The following EXPH5 variants were observed in gnomAD, a reference collection of about 807,000 sequenced individuals.
EXPH5 encodes exophilin 5.
In EXPH5, 42 loss-of-function variants were observed where a neutral mutation model predicts 41.1. That is an observed-to-expected ratio of 1.02 (90% CI 0.80 to 1.32). EXPH5 has a LOEUF of 1.32. Ranked by LOEUF, EXPH5 falls within the 40% of genes most tolerant of loss-of-function variation. The pLI, the probability that EXPH5 is intolerant of heterozygous loss-of-function variation, is 0.00. For synonymous variants in EXPH5, 798 were observed against 833.5 expected (o/e 0.96, Z 0.73); for missense variants, 2,298 against 2,314.5 (o/e 0.99, Z 0.15).
chr11:108,538,860 A>G (rs2093895840), intron 3 of EXPH5, among the ~76,000 whole-genome samples, 164 bp downstream of exon 3: 1 of 152,222 alleles, frequency 6.6e-6, no homozygotes, highest in South Asian at 2.1e-4. Context: ...ATGGTTTCCT[A>G]AGAACTTTGT....
intron 3 of EXPH5, 44 bp downstream of exon 3, chr11:108,538,980 A>G (rs1555193838): frequency 6.8e-7 from 1 of 1,480,668 alleles, no homozygotes; most frequent in South Asian, 1.4e-5. Context: ...GGCCTCTGAT[A>G]TCGGATAACA....
At chr11:108,538,980 AT>A (rs773645743) in intron 3 of EXPH5, 43 bp downstream of exon 3, 2 of 1,480,668 alleles carry the variant, frequency 1.4e-6, no homozygotes, top group Non-Finnish European at 1.8e-6. Flanking sequence ...GGCCTCTGAT[AT>A]CGGATAACAA....
intron 1 of EXPH5, among the ~76,000 whole-genome samples, chr11:108,558,785 T>G (rs2136074113): frequency 6.6e-6 from 1 of 152,316 alleles, no homozygotes; most frequent in South Asian, 2.1e-4. Context: ...CATATATTGT[T>G]TCTGGAGGCG....
At position 108,559,130 on chromosome 11, in the gene EXPH5, T is replaced by C. The variant is rs193164399; in HGVS notation, c.120-17318A>G. Among the ~76,000 whole-genome samples the C allele has an allele frequency of 1.1e-3, 167 of 152,326 alleles. 1 individual carries two copies. Among genetic ancestry groups the C allele is most frequent in the African/African-American group, 3.9e-3 (164 of 41,574 alleles). On this transcript the variant is annotated intron_variant, in intron 1 of 5. Coordinates refer to ENST00000265843, the MANE Select transcript of EXPH5 (RefSeq NM_015065.3). ...AACCTCCTCTCTTGAGTCTCTGTACTTTTTTTGCATGCTGGTTGTCTCATC... is the reference window on the plus strand; with the variant it reads ...AACCTCCTCTCTTGAGTCTCTGTACCTTTTTTGCATGCTGGTTGTCTCATC...
chr11:108,522,562 T>A (rs1362005897), intron 4 of EXPH5, among the ~76,000 whole-genome samples: 3 of 152,208 alleles, frequency 2.0e-5, no homozygotes, highest in Admixed American at 1.3e-4. Context: ...ATTCTACTCA[T>A]GATCAAGTTT....
the EXPH5 span, among the ~76,000 whole-genome samples, chr11:108,599,417 A>G: frequency 6.6e-6 from 1 of 152,240 alleles, no homozygotes; most frequent in Non-Finnish European, 1.5e-5. Context: ...ATACATATAT[A>G]CAAATGCATA....
At chr11:108,597,505 T>C (rs1357966317), upstream of EXPH5, among the ~76,000 whole-genome samples, 1 of 152,254 alleles carries the variant, frequency 6.6e-6, no homozygotes, top group Admixed American at 6.5e-5. Context: ...AAAAGTTCTC[T>C]GATAAAATTC....
At chr11:108,555,997 A>G (rs963997161) in intron 1 of EXPH5, among the ~76,000 whole-genome samples, 1 of 152,190 alleles carries the variant, frequency 6.6e-6, no homozygotes, top group Non-Finnish European at 1.5e-5. Flanking sequence ...TCCAGGCTCC[A>G]TACAGGAGCA....
At chr11:108,540,323 A>AAAAT (rs1239024966) in intron 2 of EXPH5, among the ~76,000 whole-genome samples, 4 of 152,136 alleles carry the variant, frequency 2.6e-5, no homozygotes, top group African/African-American at 4.8e-5. Context: ...ACTCCATCTC[A>AAAAT]AAATAAATAA....
chr11:108,519,736 A>G (rs1248082934), intron 4 of EXPH5, among the ~76,000 whole-genome samples: 3 of 151,546 alleles, frequency 2.0e-5, no homozygotes, highest in Admixed American at 6.6e-5. Flanking sequence ...CGACAGAGTG[A>G]GACTCTGTCT....
chr11:108,542,967 C>T (rs1173898018), intron 1 of EXPH5, among the ~76,000 whole-genome samples: 1 of 152,114 alleles, frequency 6.6e-6, no homozygotes, highest in Non-Finnish European at 1.5e-5. Flanking sequence ...GATCCCCCTG[C>T]CTTGACCTCC....
Position 108,512,951 on chromosome 11 carries a change from T to G in EXPH5, c.2556A>C (p.Ala852=), listed in dbSNP as rs2093693823. The change falls in exon 6 of 6, where the codon GCA becomes GCC. Residue 852 remains alanine, a synonymous_variant. Transcript: ENST00000265843. ...ATTGTGCATTTTGAGTATCAGTCAG[T>G]GCAGAGCTCCAGTGGTTATTTGTAA... ...RIITNNHWSS[A]LTDTQNAQYS... 6.2e-7 allele frequency: 1 copy of G among 1,612,918 alleles called. No individual in the cohort carries two copies. The highest frequency in any genetic ancestry group is 1.7e-5 in the Admixed American group (1 of 59,880).
intron 3 of EXPH5, among the ~76,000 whole-genome samples, chr11:108,531,131 T>A (rs950591049): frequency 4.6e-5 from 7 of 152,142 alleles, no homozygotes; most frequent in African/African-American, 1.7e-4. Flanking sequence ...TTCACATATA[T>A]CCCCACTTCA....
chr11:108,569,423 T>C (rs1043591737), intron 1 of EXPH5, among the ~76,000 whole-genome samples: 1 of 150,120 alleles, frequency 6.7e-6, no homozygotes, highest in Non-Finnish European at 1.5e-5. Flanking sequence ...CACTGCAACC[T>C]CCGCCTCCTA....
chr11:108,532,414 T>TCCTGGCCA (rs2093849540), intron 3 of EXPH5, among the ~76,000 whole-genome samples: 1 of 122,500 alleles, frequency 8.2e-6, no homozygotes, highest in Non-Finnish European at 1.6e-5. Flanking sequence ...GGGGTTTCAC[T>TCCTGGCCA]ACGTTGGCCA....
the EXPH5 span, among the ~76,000 whole-genome samples, chr11:108,603,088 CCT>C: frequency 1.3e-5 from 2 of 152,136 alleles, no homozygotes; most frequent in Non-Finnish European, 2.9e-5. Flanking sequence ...GTGAAAAAGA[CCT>C]CTCTTTTCCC....
chr11:108,593,518 C>G lies in EXPH5; in HGVS notation c.19G>C (p.Ala7Pro), dbSNP rs1332059692. 2 of 1,614,204 alleles carry G rather than the reference C, an allele frequency of 1.2e-6. No homozygotes were observed. Among genetic ancestry groups the G allele is most frequent in the Non-Finnish European group, 1.7e-6 (2 of 1,180,014 alleles). The change falls in exon 1 of 6, where the codon GCG (alanine) becomes CCG (proline). Residue 7 changes from alanine to proline, a missense_variant. Transcript: ENST00000265843. MTKVPP[A>P]FDFSFLNDEE... Reference sequence around the variant, plus strand: ...TCATTTAAGAAACTGAAATCAAACGCCGGAGGAACTTTCGTCATTTTCTTT... The same window carrying G: ...TCATTTAAGAAACTGAAATCAAACGGCGGAGGAACTTTCGTCATTTTCTTT...
At chr11:108,532,366 ATTTTTTTTTTTTTTTT>A (rs1168217383) in intron 3 of EXPH5, among the ~76,000 whole-genome samples, 41 of 32,136 alleles carry the variant, frequency 1.3e-3, no homozygotes, top group African/African-American at 7.9e-3. Context: ...ATATATATAT[ATTTTTTTTTTTTTTTT>A]TTTTTTTTTT....
Position 108,513,257 on chromosome 11 carries a change from T to C in EXPH5, c.2250A>G (p.Ser750=). 6.2e-7 allele frequency: 1 copy of C among 1,612,698 alleles called. No homozygotes were observed. The highest frequency in any genetic ancestry group is 8.5e-7 in the Non-Finnish European group (1 of 1,179,592). Residue 750 remains serine, a synonymous_variant, in exon 6 of 6, where the codon TCA becomes TCG. Coordinates refer to ENST00000265843, the MANE Select transcript of EXPH5 (RefSeq NM_015065.3). ...TAAAACCAAACCCGTTGCTCTTGGCTGAGTCCTGGGATAAGGGATTTTGAA... is the reference window on the plus strand; with the variant it reads ...TAAAACCAAACCCGTTGCTCTTGGCCGAGTCCTGGGATAAGGGATTTTGAA... ...PDFQNPLSQD[S]AKSNGFGFNA...
Sources: allele counts gnomAD v4.1 joint callset (sites outside exome capture counted in the v4.1 genomes callset), GRCh38; gene constraint gnomAD v4.1.1; transcripts MANE v1.5; gene names NCBI Gene and HGNC (gene_info 2026-07-23, HGNC 2026-07-21).